The following TSPAN12 variants were observed in gnomAD, a reference collection of about 807,000 sequenced individuals.
The protein encoded by TSPAN12 is tetraspanin-12.
TSPAN12 carries 19 observed loss-of-function variants against 39.2 expected under a neutral mutation model. The observed-to-expected ratio is 0.49, with a 90% confidence interval of 0.34 to 0.71. The LOEUF is 0.71. Ranked by LOEUF, TSPAN12 falls within the 30% of genes least tolerant of loss-of-function variation. TSPAN12 has a pLI of 0.01. For synonymous variants in TSPAN12, 119 were observed against 124.8 expected (o/e 0.95, Z 0.31); for missense variants, 314 against 359.9 (o/e 0.87, Z 1.03).
At chr7:120,814,125 T>C (rs1287637945) in intron 5 of TSPAN12, 14 of 449,638 alleles carry the variant, frequency 3.1e-5, no homozygotes, top group Non-Finnish European at 5.8e-5. Context: ...CTGTGGTTAC[T>C]ACTTAGTATT....
chr7:120,810,709 A>G, intron 5 of TSPAN12, 139 bp from the exon 6 acceptor site: 1 of 660,862 alleles, frequency 1.5e-6, no homozygotes, highest in South Asian at 1.7e-5. Context: ...TTTTAAATTT[A>G]TATTTGCTCA....
At position 120,791,226 on chromosome 7, in the gene TSPAN12, G is replaced by C. The variant is rs540649130; in HGVS notation, c.613-2329C>G. On this transcript the variant is annotated intron_variant, in intron 7 of 7. Coordinates refer to ENST00000222747, the MANE Select transcript of TSPAN12 (RefSeq NM_012338.4). The stretch of plus-strand genomic sequence containing the variant: ...TGCCTGAAATCCCAGCTACTCGGGA[G>C]GCTGAGACATGAGAATTGCTTGAAC... 3.3e-5 allele frequency among the ~76,000 whole-genome samples: 5 copies of C among 152,142 alleles called. 1 individual carries two copies. Among genetic ancestry groups the C allele is most frequent in the Admixed American group, 3.3e-4 (5 of 15,296 alleles).
intron 5 of TSPAN12, 132 bp from the exon 6 acceptor site, chr7:120,810,702 T>A: frequency 1.5e-6 from 1 of 672,974 alleles, no homozygotes; most frequent in East Asian, 2.8e-5. Flanking sequence ...AATACTATTT[T>A]AAATTTATAT....
chr7:120,851,111 T>C (rs1051154602), intron 2 of TSPAN12, among the ~76,000 whole-genome samples: 21 of 152,244 alleles, frequency 1.4e-4, no homozygotes, highest in South Asian at 6.2e-4. Context: ...TAGCGTAAAG[T>C]TGGGGACACC....
chr7:120,823,951 G>A (rs1794234664), intron 4 of TSPAN12, among the ~76,000 whole-genome samples: 1 of 152,090 alleles, frequency 6.6e-6, no homozygotes, highest in Admixed American at 6.6e-5. Context: ...CTTTAAATAT[G>A]TTTTACATAG....
intron 2 of TSPAN12, among the ~76,000 whole-genome samples, chr7:120,854,500 AAGAT>A (rs1794833349): frequency 6.6e-6 from 1 of 152,296 alleles, no homozygotes; most frequent in Admixed American, 6.5e-5. Context: ...ACAACTCTAA[AAGAT>A]AGGGAACTAT....
chr7:120,838,180 T>A (rs1335597369), intron 4 of TSPAN12, among the ~76,000 whole-genome samples: 2 of 152,334 alleles, frequency 1.3e-5, no homozygotes, highest in African/African-American at 4.8e-5. Flanking sequence ...TTTAATCAAC[T>A]CAATTTTTTA....
At chr7:120,834,532 A>G (rs1685503291) in intron 4 of TSPAN12, among the ~76,000 whole-genome samples, 1 of 152,154 alleles carries the variant, frequency 6.6e-6, no homozygotes, top group Non-Finnish European at 1.5e-5. Flanking sequence ...TCTGTTGAAT[A>G]ATGGCATTTT....
chr7:120,811,263 G>T (rs1255714190), intron 5 of TSPAN12, among the ~76,000 whole-genome samples: 1 of 152,168 alleles, frequency 6.6e-6, no homozygotes, highest in East Asian at 1.9e-4. Context: ...CAGAGGAAAA[G>T]AAGTCATTAT....
intron 2 of TSPAN12, among the ~76,000 whole-genome samples, chr7:120,848,047 T>G (rs753545574): frequency 2.7e-4 from 41 of 152,162 alleles, no homozygotes; most frequent in Non-Finnish European, 5.0e-4. Flanking sequence ...AAATGCACCA[T>G]GCACACCTCC....
intron 2 of TSPAN12, 41 bp from the exon 3 acceptor site, chr7:120,840,150 G>T: frequency 1.4e-6 from 2 of 1,418,442 alleles, no homozygotes; most frequent in Non-Finnish European, 2.0e-6. Context: ...AAAGATTTAC[G>T]TAACATTCAC....
chr7:120,806,778 T>C (rs1035124513), intron 6 of TSPAN12, 86 bp from the exon 7 acceptor site: 10 of 1,546,444 alleles, frequency 6.5e-6, no homozygotes, highest in Non-Finnish European at 8.8e-6. Context: ...TTTTTAAAAT[T>C]TTTGTACCCA....
intron 4 of TSPAN12, among the ~76,000 whole-genome samples, chr7:120,828,749 C>T (rs939798565): frequency 3.4e-5 from 5 of 147,948 alleles, no homozygotes; most frequent in African/African-American, 1.3e-4. Flanking sequence ...GTAAAAAACC[C>T]TAATTGTCTC....
At chr7:120,806,836 T>G in intron 6 of TSPAN12, 144 bp from the exon 7 acceptor site, 1 of 1,042,672 alleles carries the variant, frequency 9.6e-7, no homozygotes, top group Non-Finnish European at 1.4e-6. Flanking sequence ...TCTATGTTGA[T>G]GATAGAAATG....
In TSPAN12 at chr7:120,841,232, G is replaced by A. The variant is rs150497197; in HGVS notation, c.67-1123C>T. On this transcript the variant is annotated intron_variant, in intron 2 of 7. Transcript: ENST00000222747. The stretch of plus-strand genomic sequence containing the variant: ...GTCAGAAGCACACAGAAATTCCTAT[G>A]AAGTATTTTCACCAGAAGGTCAAAC... Among the ~76,000 whole-genome samples, 524 of 152,286 alleles carry A rather than the reference G, an allele frequency of 3.4e-3. 3 individuals carry two copies. The highest frequency in any genetic ancestry group is 0.012 in the African/African-American group (496 of 41,544).
chr7:120,853,473 T>G (rs1442260086), intron 2 of TSPAN12, among the ~76,000 whole-genome samples: 2 of 129,684 alleles, frequency 1.5e-5, no homozygotes, highest in East Asian at 2.3e-4. Flanking sequence ...GAAATGCAGA[T>G]ATATATATAT....
In TSPAN12 at chr7:120,808,082, A is replaced by G. The variant is rs538259886; in HGVS notation, c.469-1390T>C. On this transcript the variant is annotated intron_variant, in intron 6 of 7. Transcript: ENST00000222747. ...CCATCTTTTTAAATTCTTGCACTCA[A>G]AGAAAATCCATTTGTCTCCTTTGCT... 2.6e-5 allele frequency among the ~76,000 whole-genome samples: 4 copies of G among 152,230 alleles called. No individual in the cohort carries two copies. In the South Asian group the frequency reaches 8.3e-4, roughly 32 times the overall value.
chr7:120,830,944 C>A (rs1794378768), intron 4 of TSPAN12, among the ~76,000 whole-genome samples: 1 of 151,722 alleles, frequency 6.6e-6, no homozygotes, highest in Non-Finnish European at 1.5e-5. Context: ...AACTCAATAG[C>A]AAGAAAGTAA....
intron 1 of TSPAN12, 86 bp from the exon 2 acceptor site, chr7:120,856,919 G>T: frequency 1.3e-6 from 1 of 781,300 alleles, no homozygotes; most frequent in Non-Finnish European, 2.2e-6. Flanking sequence ...CCCGCCCTCA[G>T]CAGGGTCCAG....
Sources: allele counts gnomAD v4.1 joint callset (sites outside exome capture counted in the v4.1 genomes callset), GRCh38; gene constraint gnomAD v4.1.1; transcripts MANE v1.5; gene names NCBI Gene and HGNC (gene_info 2026-07-23, HGNC 2026-07-21).